The following GLIS2 variants were observed in gnomAD, a reference collection of about 807,000 sequenced individuals.
GLIS2 encodes GLIS family zinc finger 2.
Under a neutral mutation model 35.6 loss-of-function variants are expected in GLIS2, and 14 were observed. The observed-to-expected ratio is 0.39, with a 90% CI of 0.26 to 0.61. The LOEUF (loss-of-function observed/expected upper bound fraction) is 0.61, where lower values mean the gene tolerates loss of function less well. GLIS2 is among the 20% of genes least tolerant of loss of function. The pLI is 0.48. For synonymous variants in GLIS2, 368 were observed against 325.1 expected, an observed-to-expected ratio of 1.13 and a Z score of -1.42; for missense variants, 675 against 713.4, an observed-to-expected ratio of 0.95 and a Z score of 0.61.
intron 3 of GLIS2, among the ~76,000 whole-genome samples, chr16:4,333,893 G>A (rs914247734): frequency 7.9e-5 from 12 of 152,150 alleles, no homozygotes; most frequent in African/African-American, 2.4e-4. Context: ...TGGGAAGATC[G>A]CTTGAGCCCA....
At position 4,338,345 on chromosome 16, in the gene GLIS2, G is replaced by T. The variant is rs1307509976; in HGVS notation, c.*821G>T. ...GGTGCCAAGATACTGAGTGACCTGG[G>T]CCCTGGCTCAGGGAGCATGTGGGGC... is the stretch of plus-strand genomic sequence containing the variant. On this transcript the variant is annotated 3_prime_UTR_variant, in exon 7 of 7. Transcript: ENST00000433375. 1.3e-5 allele frequency: 2 copies of T among 152,364 alleles called. No homozygotes were observed. Among genetic ancestry groups the T allele is most frequent in the African/African-American group, 2.4e-5 (1 of 41,464 alleles). The allele number at this position is 152,364 out of a possible 1,614,324, so 9.4% of individuals were successfully genotyped here.
rs954599379 is a variant in GLIS2 at position 4,338,833 on chromosome 16, G to T, written c.*1309G>T. On this transcript the variant is annotated 3_prime_UTR_variant, in exon 7 of 7. Transcript: ENST00000433375. ...CAGTCCCATCCCAGGACGCCCTGAGGGATGGACGCAGCCATGCACCCCCCA... is the reference window on the plus strand; with the variant it reads ...CAGTCCCATCCCAGGACGCCCTGAGTGATGGACGCAGCCATGCACCCCCCA... The T allele has an allele frequency of 1.1e-4, 16 of 152,362 alleles. No homozygotes were observed. The highest frequency in any genetic ancestry group is 3.6e-4 in the African/African-American group (15 of 41,468). The allele number at this position is 152,362 out of a possible 1,614,324, so 9.4% of individuals were successfully genotyped here.
Position 4,332,188 on chromosome 16 carries a change from C to G in GLIS2, c.-66-27C>G. ...GAGGAGAAGCCTGGGGTCTCAGTGC[C>G]ACAGCACAGCTCCTGTCCTTCCCCA... On this transcript the variant is annotated intron_variant, in intron 1 of 6. Transcript: ENST00000433375. This position sits in a 1 kb window ranked among gnomAD's most constrained non-coding sequence, Gnocchi z 5.4. 6.8e-7 allele frequency: 1 copy of G among 1,476,190 alleles called. No individual in the cohort carries two copies. The highest frequency in any genetic ancestry group is 9.2e-7 in the Non-Finnish European group (1 of 1,083,958). 91.4% of individuals were successfully genotyped at this position (1,476,190 alleles called of 1,614,324 possible).
intron 1 of GLIS2, among the ~76,000 whole-genome samples, chr16:4,317,631 C>G (rs1448760214): frequency 1.3e-5 from 2 of 152,066 alleles, no homozygotes; most frequent in Non-Finnish European, 2.9e-5. Context: ...AGAGCCCAGG[C>G]TGGGCCTCCT....
chr16:4,322,628 C>G (rs187704760), intron 1 of GLIS2, among the ~76,000 whole-genome samples: 3 of 152,072 alleles, frequency 2.0e-5, no homozygotes, highest in Non-Finnish European at 2.9e-5. Context: ...GCAGCCCCCC[C>G]CCTACACTGT....
chr16:4,336,009 C>T, intron 6 of GLIS2: 1 of 179,398 alleles, frequency 5.6e-6, no homozygotes, highest in Non-Finnish European at 1.2e-5. Context: ...ACATGTGGCC[C>T]CCTGCTCTGG....
chr16:4,321,593 C>A (rs1009127132), intron 1 of GLIS2, among the ~76,000 whole-genome samples: 1 of 152,154 alleles, frequency 6.6e-6, no homozygotes, highest in Non-Finnish European at 1.5e-5. Flanking sequence ...ATGGGGAAAC[C>A]CAGGCCTAGT....
chr16:4,325,777 A>C (rs1332281373), intron 1 of GLIS2, among the ~76,000 whole-genome samples: 1 of 151,756 alleles, frequency 6.6e-6, no homozygotes, highest in Non-Finnish European at 1.5e-5. Flanking sequence ...CAAAATAAAA[A>C]ATTTAAAAAT....
chr16:4,327,565 C>T (rs2053446256), intron 1 of GLIS2, among the ~76,000 whole-genome samples: 1 of 152,008 alleles, frequency 6.6e-6, no homozygotes, highest in African/African-American at 2.4e-5. Context: ...GGACTGCGGG[C>T]GGGGGGCCGG....
At chr16:4,326,009 T>C (rs1036311120) in intron 1 of GLIS2, among the ~76,000 whole-genome samples, 1 of 129,634 alleles carries the variant, frequency 7.7e-6, no homozygotes, top group Non-Finnish European at 1.6e-5. Context: ...GAGGCCGAGG[T>C]GGGCGGATCA....
In GLIS2 at chr16:4,332,382, T is replaced by G. The variant is rs1277929398; in HGVS notation, c.102T>G (p.Arg34=). The G allele has an allele frequency of 1.3e-5, 21 of 1,613,004 alleles. No individual in the cohort carries two copies. Among genetic ancestry groups the G allele is most frequent in the Non-Finnish European group, 1.8e-5 (21 of 1,180,016 alleles). Residue 34 remains arginine (R), a synonymous_variant, in exon 2 of 7, where the codon CGT becomes CGG. Transcript: ENST00000433375. This position sits in a 1 kb window ranked among gnomAD's most constrained non-coding sequence, Gnocchi z 5.4. Reference sequence around the variant, plus strand: ...GGACGCTGGGTGTGGTCCGGCCCCGTGCTCTGCACAGGGAGCTGGGCCTGG... The same window carrying G: ...GGACGCTGGGTGTGGTCCGGCCCCGGGCTCTGCACAGGGAGCTGGGCCTGG... ...RERTLGVVRP[R]ALHRELGLVD...
rs2053576896 is a variant in GLIS2, at chr16:4,337,970, A to G, written c.*446A>G. On this transcript the variant is annotated 3_prime_UTR_variant, in exon 7 of 7. Transcript: ENST00000433375. ...CCTGAGAGGAGCCCCCAGGGACCAG[A>G]GGCCTGCCCTTCCCTCCTAGGCTTA... The G allele has an allele frequency of 3.6e-5, 11 of 305,506 alleles. 1 individual carries two copies. Among genetic ancestry groups the G allele is most frequent in the South Asian group, 3.5e-4 (11 of 31,574 alleles). 18.9% of individuals were successfully genotyped at this position (305,506 alleles called of 1,614,324 possible).
intron 1 of GLIS2, among the ~76,000 whole-genome samples, chr16:4,317,268 G>A (rs74003282): frequency 0.15 from 23,565 of 152,212 alleles, 3,231 homozygotes; most frequent in African/African-American, 0.37. Context: ...TTGACACTGA[G>A]GGGGCAGCCA....
At chr16:4,316,739 C>T (rs2053317684) in intron 1 of GLIS2, among the ~76,000 whole-genome samples, 1 of 152,128 alleles carries the variant, frequency 6.6e-6, no homozygotes, top group African/African-American at 2.4e-5. Flanking sequence ...TCCTGCTGCC[C>T]CTCGCAAGCC....
In GLIS2 at chr16:4,327,778, GCGCTTCCTCCCTCGCCGCAGC is replaced by G. The variant is rs1275224172; in HGVS notation, c.-66-4425_-66-4405del. 7.5e-5 allele frequency among the ~76,000 whole-genome samples: 9 copies of G among 120,470 alleles called. No individual in the cohort carries two copies. In the East Asian group the frequency reaches 8.5e-4, roughly 11 times the overall value. The allele number at this position is 120,470 out of a possible 152,430, so 79.0% of individuals were successfully genotyped here. Reference sequence around the variant, plus strand: ...CGGTGGTCCCCGCGGCCGCCCCCGCGCGCTTCCTCCCTCGCCGCAGCCGCTTCCTCCCGCTCGCCCCGCTCT... The same window carrying G: ...CGGTGGTCCCCGCGGCCGCCCCCGCGCGCTTCCTCCCGCTCGCCCCGCTCT... On this transcript the variant is annotated intron_variant, in intron 1 of 6. Transcript: ENST00000433375.
chr16:4,333,324 C>G (rs2053516899), intron 2 of GLIS2, 23 bp from the exon 3 acceptor site: 1 of 1,612,200 alleles, frequency 6.2e-7, no homozygotes, highest in African/African-American at 1.3e-5. Flanking sequence ...TCCAGCACAC[C>G]CTGAACTGTG....
intron 1 of GLIS2, among the ~76,000 whole-genome samples, chr16:4,316,613 C>T (rs957965925): frequency 3.3e-5 from 5 of 151,780 alleles, no homozygotes; most frequent in African/African-American, 9.7e-5. Context: ...GAGGGGGGTA[C>T]CCGGAGCCTG....
rs192213553 is a variant in GLIS2, at chr16:4,336,844, G to A, written c.895G>A (p.Gly299Ser). 15 of 1,612,714 alleles carry A rather than the reference G, an allele frequency of 9.3e-6. No individual in the cohort carries two copies. The highest frequency in any genetic ancestry group is 6.7e-5 in the East Asian group (3 of 44,876). The change falls in exon 7 of 7, where the codon GGC becomes AGC. Residue 299 changes from glycine to serine, a missense_variant. Physicochemically the swap from Gly to Ser is moderately conservative, Grantham distance 56 (BLOSUM62 0). Coordinates refer to ENST00000433375, the MANE Select transcript of GLIS2 (RefSeq NM_032575.3). ...CAAGCCCTACTACTGCAAGATGCCCGGCTGCCACAAGCGCTACACGGACCC... is the reference window on the plus strand; with the variant it reads ...CAAGCCCTACTACTGCAAGATGCCCAGCTGCCACAAGCGCTACACGGACCC... Reference protein sequence around the residue: ...VDKPYYCKMPGCHKRYTDPSS... With the variant: ...VDKPYYCKMPSCHKRYTDPSS...
At chr16:4,322,761 G>A (rs1567217815) in intron 1 of GLIS2, among the ~76,000 whole-genome samples, 1 of 152,162 alleles carries the variant, frequency 6.6e-6, no homozygotes, top group Non-Finnish European at 1.5e-5. Flanking sequence ...AAGGTCCACC[G>A]CCCGCCTTAC....
Sources: gnomAD v4.1 joint callset for allele counts (sites outside exome capture counted in the v4.1 genomes callset) on GRCh38, gnomAD v4.1.1 for gene constraint, Gnocchi (gnomAD v3.1) non-coding constraint, MANE v1.5 for transcripts, NCBI Gene and HGNC (gene_info 2026-07-23, HGNC 2026-07-21) for gene names.